Variants in SERGEF observed in about 807,000 individuals in gnomAD.
The protein encoded by SERGEF is secretion-regulating guanine nucleotide exchange factor.
A neutral mutation model predicts 50.0 loss-of-function variants in SERGEF; 51 were observed. The ratio of observed to expected loss-of-function variants is 1.02; its 90% CI spans 0.81 to 1.29. The LOEUF (loss-of-function observed/expected upper bound fraction) is 1.29. Among genes scored for constraint, SERGEF ranks in the 50% most tolerant of loss-of-function variants. The pLI is 0.00. For missense variants in SERGEF, 521 were observed against 557.0 expected (o/e 0.94, Z 0.65); for synonymous variants, 205 against 212.4 (o/e 0.97, Z 0.30).
At chr11:17,807,034 T>C (rs1849771584) in intron 10 of SERGEF, among the ~76,000 whole-genome samples, 1 of 152,016 alleles carries the variant, frequency 6.6e-6, no homozygotes, top group South Asian at 2.1e-4. Context: ...ACCACTCAAA[T>C]ACTATTTCAT....
intron 10 of SERGEF, among the ~76,000 whole-genome samples, chr11:17,815,212 A>G (rs1191867387): frequency 6.6e-6 from 1 of 151,504 alleles, no homozygotes; most frequent in Non-Finnish European, 1.5e-5. Context: ...CAAAAATTAC[A>G]GTCTTTAGGT....
intron 9 of SERGEF, among the ~76,000 whole-genome samples, chr11:17,920,778 G>C (rs1369950478): frequency 6.6e-6 from 1 of 152,190 alleles, no homozygotes; most frequent in Non-Finnish European, 1.5e-5. Context: ...TATGCATAGA[G>C]ATCCTGAACT....
Position 17,919,344 on chromosome 11 carries a change from C to T in SERGEF, c.1011+40126G>A, listed in dbSNP as rs545325523. On this transcript the variant is annotated intron_variant, in intron 9 of 10. Coordinates refer to ENST00000265965, the MANE Select transcript of SERGEF (RefSeq NM_012139.4). ...GGGATGGAGATGGAGAGACCGGAAG[C>T]CTCAGATCTAATGGCTAGGAGGCCA... Among the ~76,000 whole-genome samples, 42 of 152,096 alleles carry T rather than the reference C, an allele frequency of 2.8e-4. No homozygotes were observed. The South Asian group carries it at 8.3e-3, about 30-fold the overall frequency.
chr11:17,971,812 G>A (rs1853254252), intron 8 of SERGEF, among the ~76,000 whole-genome samples: 1 of 152,168 alleles, frequency 6.6e-6, no homozygotes, highest in African/African-American at 2.4e-5. Flanking sequence ...TGATGGATAT[G>A]GGCAAAGTTA....
At chr11:17,932,882 A>G (rs17720530) in intron 9 of SERGEF, among the ~76,000 whole-genome samples, 29,321 of 152,176 alleles carry the variant, frequency 0.19, 3,662 homozygotes, top group Non-Finnish European at 0.27. Flanking sequence ...AAAGAGCATC[A>G]TTATATTTTA....
intron 8 of SERGEF, among the ~76,000 whole-genome samples, chr11:17,981,803 CT>C (rs959763835): frequency 1.3e-5 from 2 of 151,352 alleles, no homozygotes. Flanking sequence ...AGCAGAACTT[CT>C]TTTTTTTTCT....
intron 8 of SERGEF, among the ~76,000 whole-genome samples, chr11:17,961,779 T>C (rs1461236834): frequency 2.0e-5 from 3 of 152,254 alleles, no homozygotes; most frequent in African/African-American, 7.2e-5. Flanking sequence ...GTTCAGTCTT[T>C]AGTCTCAAGC....
Position 17,884,733 on chromosome 11 carries a change from T to C in SERGEF, c.1012-6489A>G, listed in dbSNP as rs1240191739. Among the ~76,000 whole-genome samples, 5 of 152,136 alleles carry C rather than the reference T, an allele frequency of 3.3e-5. No individual in the cohort carries two copies. Among genetic ancestry groups the C allele is most frequent in the Non-Finnish European group, 7.3e-5 (5 of 68,030 alleles). ...TTATTTCATATATATGTGTATATGT[T>C]ATATATACATTTTTAAAAAAAGCAC... On this transcript the variant is annotated intron_variant, in intron 9 of 10. Transcript: ENST00000265965. The surrounding 1 kb of genome is among the most constrained non-coding windows in gnomAD (Gnocchi z 4.6).
intron 1 of SERGEF, among the ~76,000 whole-genome samples, chr11:18,010,811 G>A (rs774759274): frequency 6.6e-6 from 1 of 152,164 alleles, no homozygotes; most frequent in Non-Finnish European, 1.5e-5. Context: ...TTTATATGGC[G>A]AATGAATGTA....
At chr11:17,806,140 A>G (rs1849754813) in intron 10 of SERGEF, among the ~76,000 whole-genome samples, 1 of 152,264 alleles carries the variant, frequency 6.6e-6, no homozygotes, top group South Asian at 2.1e-4. Context: ...AGCTGAAAAC[A>G]CTAGACAGAA....
At chr11:17,881,713 G>A (rs142534360) in intron 9 of SERGEF, among the ~76,000 whole-genome samples, 21 of 152,326 alleles carry the variant, frequency 1.4e-4, no homozygotes, top group Middle Eastern at 3.4e-3. Flanking sequence ...TTGGGCCTCA[G>A]TGTTCTGAGG....
chr11:17,968,482 G>A (rs1487307133), intron 8 of SERGEF, among the ~76,000 whole-genome samples: 1 of 152,094 alleles, frequency 6.6e-6, no homozygotes, highest in Non-Finnish European at 1.5e-5. Context: ...TGAGCCTTGA[G>A]TTTGATCGCT....
intron 9 of SERGEF, among the ~76,000 whole-genome samples, chr11:17,889,965 A>C (rs1851501440): frequency 6.8e-6 from 1 of 148,126 alleles, no homozygotes; most frequent in Non-Finnish European, 1.5e-5. Context: ...CAAATATAAG[A>C]GGTCACTGAG....
intron 9 of SERGEF, among the ~76,000 whole-genome samples, chr11:17,916,952 T>C (rs1410847436): frequency 6.6e-6 from 1 of 152,240 alleles, no homozygotes; most frequent in African/African-American, 2.4e-5. Context: ...CAGGGAACAC[T>C]TGTACACTGT....
intron 9 of SERGEF, among the ~76,000 whole-genome samples, chr11:17,948,695 GC>G: frequency 6.6e-6 from 1 of 152,252 alleles, no homozygotes; most frequent in South Asian, 2.1e-4. Context: ...ACATGGGGAG[GC>G]CCCTGTGGGA....
intron 10 of SERGEF, among the ~76,000 whole-genome samples, chr11:17,819,012 T>C (rs964644788): frequency 6.6e-6 from 1 of 152,248 alleles, no homozygotes; most frequent in Non-Finnish European, 1.5e-5. Flanking sequence ...TGTCTAGCTT[T>C]CCTCTATGCT....
Position 17,952,919 on chromosome 11 carries a change from C to T in SERGEF, c.1011+6551G>A, listed in dbSNP as rs560800313. 1.2e-4 allele frequency among the ~76,000 whole-genome samples: 19 copies of T among 152,252 alleles called. No homozygotes were observed. The East Asian group carries it at 3.3e-3, about 26-fold the overall frequency. ...TTCCCTTCTCCCTCTCCTGTCAATA[C>T]TCAGTCTCTATCTGGCTGCTCTTCC... On this transcript the variant is annotated intron_variant, in intron 9 of 10. Coordinates refer to ENST00000265965, the MANE Select transcript of SERGEF (RefSeq NM_012139.4).
rs55967425 is a variant in SERGEF at position 17,830,649 on chromosome 11, G to GGAGAGAGAGAGAGAGA, written c.1049-42252_1049-42237dup. Among the ~76,000 whole-genome samples the GGAGAGAGAGAGAGAGA allele has an allele frequency of 2.7e-4, 21 of 77,756 alleles. 1 individual carries two copies. The highest frequency in any genetic ancestry group is 4.6e-4 in the African/African-American group (8 of 17,338). The allele number at this position is 77,756 out of a possible 152,430, so 51.0% of individuals were successfully genotyped here. On this transcript the variant is annotated intron_variant, in intron 10 of 10. Coordinates refer to ENST00000265965, the MANE Select transcript of SERGEF (RefSeq NM_012139.4). The stretch of plus-strand genomic sequence containing the variant: ...GAGGGAAAGGGGGAGGGAGAGGGAG[G>GGAGAGAGAGAGAGAGA]GAGAGAGAGAGAGAGAGAGAGAGAG...
intron 10 of SERGEF, among the ~76,000 whole-genome samples, chr11:17,798,776 A>T (rs191527953): frequency 6.6e-6 from 1 of 152,326 alleles, no homozygotes; most frequent in Admixed American, 6.5e-5. Context: ...TTGAGGGCCT[A>T]CTATGATCAC....
Sources: gnomAD v4.1 joint callset for allele counts (sites outside exome capture counted in the v4.1 genomes callset) on GRCh38, gnomAD v4.1.1 for gene constraint, Gnocchi (gnomAD v3.1) non-coding constraint, MANE v1.5 for transcripts, NCBI Gene and HGNC (gene_info 2026-07-23, HGNC 2026-07-21) for gene names.